Variants in ZNF77 observed in about 807,000 individuals in gnomAD.
ZNF77 encodes ZNFpT1.
A neutral mutation model predicts 13.5 loss-of-function variants in ZNF77; 15 were observed. The observed-to-expected ratio is 1.11, with a 90% CI of 0.74 to 1.71. The LOEUF (loss-of-function observed/expected upper bound fraction) is 1.71, where lower values mean the gene tolerates loss of function less well. Ranked by LOEUF, ZNF77 falls within the 40% of genes most tolerant of loss-of-function variation. The pLI is 0.00. For missense variants in ZNF77, 717 were observed against 676.4 expected (o/e 1.06, Z -0.67); for synonymous variants, 282 against 250.0 (o/e 1.13, Z -1.21).
At chr19:2,938,758 C>T (rs111421858) in intron 2 of ZNF77, among the ~76,000 whole-genome samples, 37 of 152,202 alleles carry the variant, frequency 2.4e-4, no homozygotes, top group East Asian at 1.7e-3. Context: ...AGATCGAGAC[C>T]ATCCTGGCTA....
chr19:2,936,400 C>T (rs775951650), intron 3 of ZNF77, 124 bp downstream of exon 3: 120 of 1,055,016 alleles, frequency 1.1e-4, no homozygotes, highest in Non-Finnish European at 1.4e-4. Flanking sequence ...CCACCCGCCT[C>T]GGCCTCCCAA....
chr19:2,944,064 G>C (rs2088474989), intron 1 of ZNF77, among the ~76,000 whole-genome samples: 1 of 151,944 alleles, frequency 6.6e-6, no homozygotes, highest in African/African-American at 2.4e-5. Context: ...CTCCTTGGCA[G>C]ACCTTCCCAA....
chr19:2,939,507 G>A (rs2088431167), intron 1 of ZNF77, 100 bp from the exon 2 acceptor site: 1 of 1,541,298 alleles, frequency 6.5e-7, no homozygotes, highest in African/African-American at 1.4e-5. Context: ...GAGCCACACA[G>A]AGCTTATGTC....
intron 1 of ZNF77, among the ~76,000 whole-genome samples, chr19:2,943,040 C>T (rs1460127659): frequency 2.0e-5 from 3 of 152,114 alleles, no homozygotes; most frequent in Admixed American, 6.6e-5. Flanking sequence ...CCTCAGCCTC[C>T]CAAAGTGCTG....
Position 2,934,754 on chromosome 19 carries a change from G to C in ZNF77, c.373C>G (p.Gln125Glu). 2 of 1,614,086 alleles carry C rather than the reference G, an allele frequency of 1.2e-6. No individual in the cohort carries two copies. Among genetic ancestry groups the C allele is most frequent in the Non-Finnish European group, 1.7e-6 (2 of 1,179,980 alleles). Residue 125 changes from glutamine (Q) to glutamate (E), a missense_variant, in exon 4 of 4, where the codon CAG becomes GAG. Coordinates refer to ENST00000314531, the MANE Select transcript of ZNF77 (RefSeq NM_021217.3). ...TTGTGCACAAGAAGGTTCGCAGTCT[G>C]GCTCAAGGTCTCTCCGCATTGATGA... ...EGHQCGETLS[Q>E]TANLLVHKSY...
intron 2 of ZNF77, among the ~76,000 whole-genome samples, chr19:2,937,932 T>A (rs1358910273): frequency 6.6e-6 from 1 of 152,052 alleles, no homozygotes; most frequent in East Asian, 1.9e-4. Context: ...ACTTTTTATA[T>A]TTTTAGTACA....
chr19:2,933,874 CTG>C lies in ZNF77; in HGVS notation c.1251_1252del (p.Tyr417Ter). On this transcript the variant is annotated stop_gained and frameshift_variant, in exon 4 of 4. Transcript: ENST00000314531. LOFTEE classifies it low-confidence loss of function (END_TRUNC). ...GTGGATTCGAAGGGAGGAGGAAAAACTGTAGGCTTTCCCACACTCTTTACATT... is the reference window on the plus strand; with the variant it reads ...GTGGATTCGAAGGGAGGAGGAAAAACTAGGCTTTCCCACACTCTTTACATT... The C allele has an allele frequency of 1.9e-6, 3 of 1,613,778 alleles. No individual in the cohort carries two copies. The highest frequency in any genetic ancestry group is 1.1e-5 in the South Asian group (1 of 91,068).
Position 2,936,545 on chromosome 19 carries a change from T to C in ZNF77, c.290A>G (p.Gln97Arg). 6.2e-7 allele frequency: 1 copy of C among 1,605,944 alleles called. No individual in the cohort carries two copies. Among genetic ancestry groups the C allele is most frequent in the Non-Finnish European group, 8.5e-7 (1 of 1,177,732 alleles). Residue 97 changes from glutamine to arginine, a missense_variant, in exon 3 of 4, where the codon CAA becomes CGA. Transcript: ENST00000314531. ...TCACCTCAGATGCCTCTGTGGGATT[T>C]GGTGCTGATCTCCAGTGTTATCAAA... ...WRFDNTGDQH[Q>R]IPQRHLRSQL...
At chr19:2,936,031 T>TAAATA (rs1266730445) in intron 3 of ZNF77, among the ~76,000 whole-genome samples, 2 of 149,780 alleles carry the variant, frequency 1.3e-5, no homozygotes, top group Admixed American at 6.7e-5. Flanking sequence ...AATAAATAAA[T>TAAATA]AAATAAAATA....
In ZNF77 at chr19:2,944,965, T is replaced by G. The variant is rs553629271; in HGVS notation, c.-125A>C. On this transcript the variant is annotated 5_prime_UTR_variant, in exon 1 of 4. Coordinates refer to ENST00000314531, the MANE Select transcript of ZNF77 (RefSeq NM_021217.3). Reference sequence around the variant, plus strand: ...GGAAGCGCGCAAGGCAGAGGGGAACTCGGCTTACCGTCCTCGGGGTCTGAT... The same window carrying G: ...GGAAGCGCGCAAGGCAGAGGGGAACGCGGCTTACCGTCCTCGGGGTCTGAT... 12 of 1,263,548 alleles carry G rather than the reference T, an allele frequency of 9.5e-6. No individual in the cohort carries two copies. Among genetic ancestry groups the G allele is most frequent in the South Asian group, 1.6e-5 (1 of 63,262 alleles). The allele number at this position is 1,263,548 out of a possible 1,614,324, so 78.3% of individuals were successfully genotyped here. A position where few individuals can be genotyped will look rare whatever the true frequency, so the allele number is the denominator to read the frequency against.
At chr19:2,938,879 C>T (rs1042557149) in intron 2 of ZNF77, among the ~76,000 whole-genome samples, 13 of 152,128 alleles carry the variant, frequency 8.5e-5, no homozygotes, top group East Asian at 7.7e-4. Context: ...TGGCATGAAC[C>T]CGGGAGGCGG....
intron 3 of ZNF77, among the ~76,000 whole-genome samples, 188 bp from the exon 4 acceptor site, chr19:2,935,003 A>G (rs1274789448): frequency 6.6e-6 from 1 of 152,156 alleles, no homozygotes; most frequent in Non-Finnish European, 1.5e-5. Context: ...AACTGCAGCC[A>G]TAAATTTCAC....
At chr19:2,938,184 T>C (rs1217891856) in intron 2 of ZNF77, among the ~76,000 whole-genome samples, 1 of 152,182 alleles carries the variant, frequency 6.6e-6, no homozygotes, top group Non-Finnish European at 1.5e-5. Context: ...TCCTCCACTA[T>C]GCCCGGCTGC....
At chr19:2,943,692 ATT>A (rs10633206) in intron 1 of ZNF77, among the ~76,000 whole-genome samples, 52 of 76,756 alleles carry the variant, frequency 6.8e-4, no homozygotes, top group African/African-American at 2.3e-3. Flanking sequence ...TCTAGCCAGG[ATT>A]TTTTTTTTTT....
chr19:2,937,109 A>C (rs1479501615), intron 2 of ZNF77, among the ~76,000 whole-genome samples: 1 of 151,996 alleles, frequency 6.6e-6, no homozygotes, highest in Non-Finnish European at 1.5e-5. Flanking sequence ...GGATCACTTG[A>C]GCCCAGGAGG....
At chr19:2,941,117 G>A (rs1301007604) in intron 1 of ZNF77, among the ~76,000 whole-genome samples, 1 of 147,220 alleles carries the variant, frequency 6.8e-6, no homozygotes, top group Non-Finnish European at 1.5e-5. Context: ...TGAGGCTGTA[G>A]TGAGCCACGA....
At chr19:2,938,056 C>T (rs369857776) in intron 2 of ZNF77, among the ~76,000 whole-genome samples, 45 of 152,240 alleles carry the variant, frequency 3.0e-4, no homozygotes, top group African/African-American at 1.1e-3. Context: ...TGCGTGCGGC[C>T]AGGGGTTTGT....
chr19:2,934,622 G>A lies in ZNF77; in HGVS notation c.505C>T (p.Gln169Ter), dbSNP rs773146315. ...TGQRPCKECG[Q>*]ACSCLSCQSP... ...TGGCAGGAGAGGCAGCTGCAGGCTTGCCCACATTCCTTACACGGTCTCTGT... is the reference window on the plus strand; with the variant it reads ...TGGCAGGAGAGGCAGCTGCAGGCTTACCCACATTCCTTACACGGTCTCTGT... Residue 169 changes from glutamine to a stop codon, truncating the protein, a stop_gained, in exon 4 of 4, where the codon CAA (glutamine) becomes TAA (stop). Coordinates refer to ENST00000314531, the MANE Select transcript of ZNF77 (RefSeq NM_021217.3). LOFTEE classifies it low-confidence loss of function (END_TRUNC). 1 of 1,613,966 alleles carries A rather than the reference G, an allele frequency of 6.2e-7. No individual in the cohort carries two copies. Among genetic ancestry groups the A allele is most frequent in the African/African-American group, 1.3e-5 (1 of 74,922 alleles).
chr19:2,936,891 T>A (rs2088402962), intron 2 of ZNF77, among the ~76,000 whole-genome samples, 187 bp from the exon 3 acceptor site: 1 of 152,114 alleles, frequency 6.6e-6, no homozygotes. Flanking sequence ...AAAAAGCAGA[T>A]GAGCCGGGTG....
Sources: allele counts gnomAD v4.1 joint callset (sites outside exome capture counted in the v4.1 genomes callset), GRCh38; gene constraint gnomAD v4.1.1; transcripts MANE v1.5; gene names NCBI Gene and HGNC (gene_info 2026-07-23, HGNC 2026-07-21).